STOM: variants seen among roughly 807,000 people sequenced by gnomAD.
The protein encoded by STOM is stomatin, also known as erythrocyte band 7 integral membrane protein.
In STOM, 25 loss-of-function variants were observed where a neutral mutation model predicts 30.6. That is an observed-to-expected ratio of 0.82 (90% CI 0.60 to 1.14). The LOEUF is 1.14. Among genes scored for constraint, STOM ranks in the 50% most tolerant of loss-of-function variants. The pLI is 0.00. For synonymous variants in STOM, 118 were observed against 130.8 expected (o/e 0.90, Z 0.67); for missense variants, 292 against 365.2 (o/e 0.80, Z 1.63).
chr9:121,346,364 G>A (rs1564627674), intron 6 of STOM, among the ~76,000 whole-genome samples: 3 of 152,178 alleles, frequency 2.0e-5, no homozygotes, highest in African/African-American at 4.8e-5. Context: ...GGGTTCTGAG[G>A]CCAAGTCTAA....
rs1406645722 is a variant in STOM at position 121,339,485 on chromosome 9, C to T, written c.*1717G>A. 1 of 1,204,282 alleles carries T rather than the reference C, an allele frequency of 8.3e-7. No homozygotes were observed. The highest frequency in any genetic ancestry group is 1.0e-6 in the Non-Finnish European group (1 of 965,626). The allele number at this position is 1,204,282 out of a possible 1,614,324, so 74.6% of individuals were successfully genotyped here. Reference sequence around the variant, plus strand: ...AGGATACATGGTAGTTCAAGGCTTCCTAAAATAAGCTTGAAATTGGGGTAC... The same window carrying T: ...AGGATACATGGTAGTTCAAGGCTTCTTAAAATAAGCTTGAAATTGGGGTAC... On this transcript the variant is annotated 3_prime_UTR_variant, in exon 7 of 7. Transcript: ENST00000286713.
chr9:121,355,251 T>TAA (rs1437200776), intron 2 of STOM, among the ~76,000 whole-genome samples: 1 of 106,354 alleles, frequency 9.4e-6, no homozygotes, highest in African/African-American at 3.8e-5. Context: ...AAAAAAAAAA[T>TAA]AATAATAATA....
Position 121,349,172 on chromosome 9 carries a change from T to C in STOM, c.473A>G (p.Lys158Arg). The change falls in exon 5 of 7, where the codon AAG becomes AGG. Residue 158 changes from lysine to arginine, a missense_variant. Transcript: ENST00000286713. The part of the protein sequence containing the change: ...QTTLRNVLGT[K>R]NLSQILSDRE... The stretch of plus-strand genomic sequence containing the variant: ...GTCAGAGAGGATCTGAGAAAGATTC[T>C]TGGTGCCCAGAACATTCCTCAGAGT... 6.2e-7 allele frequency: 1 copy of C among 1,614,206 alleles called. No homozygotes were observed. The highest frequency in any genetic ancestry group is 8.5e-7 in the Non-Finnish European group (1 of 1,180,040).
chr9:121,349,410 T>C, intron 4 of STOM, 87 bp from the exon 5 acceptor site: 1 of 1,141,842 alleles, frequency 8.8e-7, no homozygotes, highest in African/African-American at 1.5e-5. Flanking sequence ...GAATATCTTA[T>C]AACACTAGCT....
intron 2 of STOM, 124 bp from the exon 3 acceptor site, chr9:121,354,797 A>G: frequency 1.6e-6 from 1 of 621,538 alleles, no homozygotes; most frequent in African/African-American, 1.9e-5. Flanking sequence ...TTAGAACCAG[A>G]TCATATCTAT....
chr9:121,353,567 G>A (rs1298112533), intron 3 of STOM, among the ~76,000 whole-genome samples: 1 of 152,038 alleles, frequency 6.6e-6, no homozygotes, highest in African/African-American at 2.4e-5. Context: ...CAATGCAATC[G>A]TTTCCCAGGC....
At chr9:121,344,663 TG>T (rs2064274256) in intron 6 of STOM, among the ~76,000 whole-genome samples, 1 of 152,238 alleles carries the variant, frequency 6.6e-6, no homozygotes, top group Non-Finnish European at 1.5e-5. Context: ...TTTTAAAGTC[TG>T]GCATTTTCAT....
chr9:121,356,085 T>C lies in STOM; in HGVS notation c.133A>G (p.Thr45Ala). Residue 45 changes from threonine to alanine, a missense_variant, in exon 2 of 7, where the codon ACT becomes GCT. Thr to Ala is a moderately conservative substitution (Grantham distance 58, BLOSUM62 0). Transcript: ENST00000286713. Reference sequence around the variant, plus strand: ...CACATCCATATTGAGATTGGGAAAGTTATAACGGTGAATAAGAATGAGAAC... The same window carrying C: ...CACATCCATATTGAGATTGGGAAAGCTATAACGGTGAATAAGAATGAGAAC... ...VAFSFLFTVI[T>A]FPISIWMCIK... 1.2e-6 allele frequency: 2 copies of C among 1,614,108 alleles called. No individual in the cohort carries two copies. The highest frequency in any genetic ancestry group is 1.3e-5 in the African/African-American group (1 of 75,012).
At chr9:121,349,847 A>C (rs907735942) in intron 4 of STOM, among the ~76,000 whole-genome samples, 4 of 152,258 alleles carry the variant, frequency 2.6e-5, no homozygotes, top group African/African-American at 4.8e-5. Context: ...ATTTTACAGC[A>C]TGCTACATAA....
At chr9:121,345,019 A>G (rs943602106) in intron 6 of STOM, among the ~76,000 whole-genome samples, 1 of 152,166 alleles carries the variant, frequency 6.6e-6, no homozygotes, top group African/African-American at 2.4e-5. Flanking sequence ...ACTTACATTC[A>G]TTCTCTTTGC....
In STOM at chr9:121,341,211, A is replaced by T. The variant is rs551423588; in HGVS notation, c.858T>A (p.His286Gln). 6.2e-7 allele frequency: 1 copy of T among 1,614,148 alleles called. No individual in the cohort carries two copies. Among genetic ancestry groups the T allele is most frequent in the Admixed American group, 1.7e-5 (1 of 60,014 alleles). The change falls in exon 7 of 7, where the codon CAT becomes CAA. Residue 286 changes from histidine (H) to glutamine (Q), a missense_variant. Transcript: ENST00000286713. ...LQGIIGAKHS[H>Q]LG Reference sequence around the variant, plus strand: ...AGCGCTCATCTCTACACTAGCCTAGATGGCTGTGTTTTGCCCCTATGATTC... The same window carrying T: ...AGCGCTCATCTCTACACTAGCCTAGTTGGCTGTGTTTTGCCCCTATGATTC...
chr9:121,367,064 C>T (rs555931132), intron 1 of STOM, among the ~76,000 whole-genome samples: 11 of 151,968 alleles, frequency 7.2e-5, no homozygotes, highest in Non-Finnish European at 1.5e-4. Context: ...CAGAGCAAGA[C>T]CCGGTCTCAA....
chr9:121,352,945 T>C (rs1169454492), intron 4 of STOM, among the ~76,000 whole-genome samples: 1 of 151,958 alleles, frequency 6.6e-6, no homozygotes, highest in Non-Finnish European at 1.5e-5. Flanking sequence ...ACAAAAAAAT[T>C]AGCCGGGCGT....
rs1202064194 is a variant in STOM, at chr9:121,349,317, T to G, written c.328A>C (p.Thr110Pro). 6.2e-7 allele frequency: 1 copy of G among 1,614,068 alleles called. No individual in the cohort carries two copies. ...SFDIPPQEIL[T>P]KDSVTISVDG... The stretch of plus-strand genomic sequence containing the variant: ...ACGCTAATTGTCACTGAATCCTTTG[T>G]GAGGATCTACAAGATGAAGGAAGCA... The change falls in exon 5 of 7, where the codon ACA becomes CCA. Residue 110 changes from threonine (T) to proline (P), a missense_variant. Physicochemically the swap from Thr to Pro is conservative, Grantham distance 38. Transcript: ENST00000286713.
At chr9:121,363,815 T>C (rs1412510392) in intron 1 of STOM, among the ~76,000 whole-genome samples, 1 of 152,244 alleles carries the variant, frequency 6.6e-6, no homozygotes, top group Non-Finnish European at 1.5e-5. Flanking sequence ...ATTTGATCTT[T>C]CTTCCAGCTA....
intron 4 of STOM, among the ~76,000 whole-genome samples, chr9:121,349,717 G>A (rs1409326534): frequency 1.3e-5 from 2 of 152,154 alleles, no homozygotes; most frequent in Admixed American, 6.6e-5. Context: ...TGGAGTGGAA[G>A]AATATTCAAG....
At chr9:121,356,847 G>A (rs984746879) in intron 1 of STOM, among the ~76,000 whole-genome samples, 2 of 152,180 alleles carry the variant, frequency 1.3e-5, no homozygotes, top group African/African-American at 4.8e-5. Context: ...GCTAGGCGTT[G>A]TGGTGAGTGC....
rs558574387 is a variant in STOM, at chr9:121,350,343, CAG to C, written c.322-1022_322-1021del. ...TGTGAAACTTTCTTGGCTTACTTGG[CAG>C]AGTTAAGCACTCTTCCCTTGCACAT... On this transcript the variant is annotated intron_variant, in intron 4 of 6. Coordinates refer to ENST00000286713, the MANE Select transcript of STOM (RefSeq NM_004099.6). 1.0e-3 allele frequency among the ~76,000 whole-genome samples: 155 copies of C among 152,342 alleles called. 7 individuals are homozygous for C. Among genetic ancestry groups the C allele is most frequent in the Non-Finnish European group, 3.4e-4 (23 of 68,040 alleles).
intron 4 of STOM, among the ~76,000 whole-genome samples, chr9:121,351,631 G>T (rs186160381): frequency 1.3e-3 from 204 of 152,326 alleles, no homozygotes; most frequent in Middle Eastern, 0.01. Context: ...TTTTTCGGGG[G>T]CTATGAGGGA....
Sources: allele counts gnomAD v4.1 joint callset (sites outside exome capture counted in the v4.1 genomes callset), GRCh38; gene constraint gnomAD v4.1.1; transcripts MANE v1.5; gene names NCBI Gene and HGNC (gene_info 2026-07-23, HGNC 2026-07-21).